CDHR1: variants seen among roughly 807,000 people sequenced by gnomAD.
The protein encoded by CDHR1 is cadherin related family member 1.
A neutral mutation model predicts 72.1 loss-of-function variants in CDHR1; 61 were observed. The observed-to-expected ratio is 0.85, with a 90% confidence interval of 0.69 to 1.05. The LOEUF (loss-of-function observed/expected upper bound fraction) is 1.05, where lower values mean the gene tolerates loss of function less well. Ranked by LOEUF, CDHR1 falls within the 50% of genes least tolerant of loss-of-function variation. The pLI, the probability that CDHR1 is intolerant of heterozygous loss-of-function variation, is 0.00. For missense variants in CDHR1, 1,186 were observed against 1,115.7 expected, an observed-to-expected ratio of 1.06 and a Z score of -0.90; for synonymous variants, 470 against 448.1, an observed-to-expected ratio of 1.05 and a Z score of -0.62.
chr10:84,196,676 C>T (rs562055130), intron 3 of CDHR1, 26 bp downstream of exon 3: 46 of 1,613,806 alleles, frequency 2.9e-5, no homozygotes, highest in East Asian at 1.6e-4. Flanking sequence ...GGGAGTGCTG[C>T]GGGGCCACTG....
chr10:84,208,484 A>T, intron 11 of CDHR1, 107 bp downstream of exon 11: 1 of 1,246,954 alleles, frequency 8.0e-7, no homozygotes, highest in East Asian at 2.5e-5. Flanking sequence ...AGCCGGGACC[A>T]GGTGGGCCAC....
At chr10:84,209,337 G>A (rs1228763002) in intron 12 of CDHR1, among the ~76,000 whole-genome samples, 4 of 151,920 alleles carry the variant, frequency 2.6e-5, no homozygotes, top group African/African-American at 9.7e-5. Flanking sequence ...ATGTTAATAG[G>A]AAAAGTAAAT....
At position 84,215,571 on chromosome 10, in the gene CDHR1, T is replaced by C; in HGVS notation, c.*950T>C. 1 of 876,026 alleles carries C rather than the reference T, an allele frequency of 1.1e-6. No individual in the cohort carries two copies. The highest frequency in any genetic ancestry group is 1.4e-6 in the Non-Finnish European group (1 of 730,306). 54.3% of individuals were successfully genotyped at this position (876,026 alleles called of 1,614,324 possible). On this transcript the variant is annotated 3_prime_UTR_variant, in exon 17 of 17. Coordinates refer to ENST00000623527, the MANE Select transcript of CDHR1 (RefSeq NM_033100.4). ...TGTTTAAAGTCGCTGATCATCCTCT[T>C]CCTCATCTGTAAATGAAGAAAGTAG...
chr10:84,200,487 A>G (rs1412055325), intron 5 of CDHR1, 114 bp from the exon 6 acceptor site: 1 of 742,842 alleles, frequency 1.3e-6, no homozygotes, highest in Non-Finnish European at 2.4e-6. Flanking sequence ...TCAATTGTTC[A>G]CCTCTTTTTG....
chr10:84,211,304 G>T, intron 13 of CDHR1, 139 bp downstream of exon 13: 1 of 844,214 alleles, frequency 1.2e-6, no homozygotes. Flanking sequence ...CCCTCTCTTA[G>T]CCTCAGTTTC....
chr10:84,199,623 T>A (rs1354042981), intron 5 of CDHR1, among the ~76,000 whole-genome samples: 1 of 152,236 alleles, frequency 6.6e-6, no homozygotes. Context: ...CATTGCCTGA[T>A]GTTTGGATAT....
At chr10:84,206,611 T>G (rs1268363973) in intron 10 of CDHR1, among the ~76,000 whole-genome samples, 1 of 152,222 alleles carries the variant, frequency 6.6e-6, no homozygotes, top group African/African-American at 2.4e-5. Context: ...TACAGCCACT[T>G]GAAAAGTTCA....
Position 84,217,071 on chromosome 10 carries a change from C to T in CDHR1, c.*2450C>T, listed in dbSNP as rs1842437314. On this transcript the variant is annotated 3_prime_UTR_variant, in exon 17 of 17. Transcript: ENST00000623527. ...GAAGTGCCCGGTAGCCAGCATGAGC[C>T]ACACTAGGAAAGAGGAGGAGGGTGC... 1.0e-6 allele frequency: 1 copy of T among 985,750 alleles called. No homozygotes were observed. Among genetic ancestry groups the T allele is most frequent in the Non-Finnish European group, 1.2e-6 (1 of 830,160 alleles). 61.1% of individuals were successfully genotyped at this position (985,750 alleles called of 1,614,324 possible). A position where few individuals can be genotyped will look rare whatever the true frequency, so the allele number is the denominator to read the frequency against.
At chr10:84,206,129 G>A (rs547219093) in intron 10 of CDHR1, among the ~76,000 whole-genome samples, 1 of 152,322 alleles carries the variant, frequency 6.6e-6, no homozygotes, top group South Asian at 2.1e-4. Context: ...AAGCAGCAAT[G>A]CCTGAGCATG....
Position 84,218,089 on chromosome 10 carries a change from T to C in CDHR1, c.*3468T>C. On this transcript the variant is annotated 3_prime_UTR_variant, in exon 17 of 17. Transcript: ENST00000623527. Reference sequence around the variant, plus strand: ...GGTGTTGGCATCTGTTGACAGGCAGTGGCACATCCTGACAGTCTTCAAGGC... The same window carrying C: ...GGTGTTGGCATCTGTTGACAGGCAGCGGCACATCCTGACAGTCTTCAAGGC... 2 of 985,444 alleles carry C rather than the reference T, an allele frequency of 2.0e-6. No homozygotes were observed. The highest frequency in any genetic ancestry group is 2.4e-6 in the Non-Finnish European group (2 of 829,940). 61.0% of individuals were successfully genotyped at this position (985,444 alleles called of 1,614,324 possible).
chr10:84,194,556 C>A lies in CDHR1; in HGVS notation c.-205C>A, dbSNP rs949631910. 10 of 456,596 alleles carry A rather than the reference C, an allele frequency of 2.2e-5. No homozygotes were observed. In the East Asian group the frequency reaches 2.3e-4, roughly 10 times the overall value. 28.3% of individuals were successfully genotyped at this position (456,596 alleles called of 1,614,324 possible). On this transcript the variant is annotated 5_prime_UTR_variant, in exon 1 of 17. Transcript: ENST00000623527. ...TGCGCCGCTAATTGGTCTCGTCAGGCGGCCGGCAGGAGCAGATCCGAGCCG... is the reference window on the plus strand; with the variant it reads ...TGCGCCGCTAATTGGTCTCGTCAGGAGGCCGGCAGGAGCAGATCCGAGCCG...
chr10:84,194,749 G>A lies in CDHR1; in HGVS notation c.-12G>A. 1 of 1,497,698 alleles carries A rather than the reference G, an allele frequency of 6.7e-7. No homozygotes were observed. Among genetic ancestry groups the A allele is most frequent in the Admixed American group, 2.2e-5 (1 of 45,438 alleles). The allele number at this position is 1,497,698 out of a possible 1,614,324, so 92.8% of individuals were successfully genotyped here. ...TCGGCGGCGGCAGGCGACACTCCGC[G>A]CCGGCGGAGACATGAGGCGCTGCCG... On this transcript the variant is annotated 5_prime_UTR_variant, in exon 1 of 17. Transcript: ENST00000623527.
At chr10:84,204,440 A>G (rs937672941) in intron 8 of CDHR1, 87 bp from the exon 9 acceptor site, 14 of 939,444 alleles carry the variant, frequency 1.5e-5, no homozygotes, top group Non-Finnish European at 2.1e-5. Flanking sequence ...TGGGGGTAGC[A>G]CCTCCTTTTC....
At chr10:84,199,267 C>G in intron 5 of CDHR1, 146 bp downstream of exon 5, 1 of 721,228 alleles carries the variant, frequency 1.4e-6, no homozygotes. Context: ...CGCTTTTATT[C>G]CAAAGGAATG....
rs949080525 is a variant in CDHR1, at chr10:84,200,473, A to G, written c.439-128A>G. On this transcript the variant is annotated intron_variant, in intron 5 of 16. Coordinates refer to ENST00000623527, the MANE Select transcript of CDHR1 (RefSeq NM_033100.4). Reference sequence around the variant, plus strand: ...CCCCCACTGGGTGCTCACACATTTTATCCTCAATTGTTCACCTCTTTTTGA... The same window carrying G: ...CCCCCACTGGGTGCTCACACATTTTGTCCTCAATTGTTCACCTCTTTTTGA... 2.4e-5 allele frequency: 17 copies of G among 720,920 alleles called. No individual in the cohort carries two copies. The Admixed American group carries it at 3.2e-4, about 14-fold the overall frequency. 44.7% of individuals were successfully genotyped at this position (720,920 alleles called of 1,614,324 possible).
At position 84,212,250 on chromosome 10, in the gene CDHR1, C is replaced by T; in HGVS notation, c.1625C>T (p.Ala542Val). The T allele has an allele frequency of 5.0e-6, 8 of 1,614,236 alleles. No individual in the cohort carries two copies. Among genetic ancestry groups the T allele is most frequent in the Non-Finnish European group, 6.8e-6 (8 of 1,180,050 alleles). Residue 542 changes from alanine to valine, a missense_variant, in exon 15 of 17, where the codon GCC (alanine) becomes GTC (valine). Physicochemically the swap from Ala to Val is moderately conservative, Grantham distance 64. Transcript: ENST00000623527. ...PWASLDAEAT[A>V]RYNFYVKAED... is the part of the protein sequence containing the mutation. Reference sequence around the variant, plus strand: ...GCTAGCCTGGACGCTGAGGCCACTGCCAGGTACAACTTCTATGTGAAGGCA... The same window carrying T: ...GCTAGCCTGGACGCTGAGGCCACTGTCAGGTACAACTTCTATGTGAAGGCA...
In CDHR1 at chr10:84,211,134, C is replaced by A; in HGVS notation, c.1454C>A (p.Ala485Asp). The A allele has an allele frequency of 6.2e-7, 1 of 1,614,228 alleles. No homozygotes were observed. Reference sequence around the variant, plus strand: ...TACGTTGCCAGGATTCCTGAGAACGCCCCAGGGGGCTCCAGCGTGGTGGCT... The same window carrying A: ...TACGTTGCCAGGATTCCTGAGAACGACCCAGGGGGCTCCAGCGTGGTGGCT... ...LYYVARIPEN[A>D]PGGSSVVAVT... The change falls in exon 13 of 17, where the codon GCC (alanine) becomes GAC (aspartate). Residue 485 changes from alanine to aspartate, a missense_variant. Ala to Asp is a moderately radical substitution (Grantham distance 126). Coordinates refer to ENST00000623527, the MANE Select transcript of CDHR1 (RefSeq NM_033100.4).
At chr10:84,195,193 C>T (rs1842005664) in intron 1 of CDHR1, among the ~76,000 whole-genome samples, 1 of 152,234 alleles carries the variant, frequency 6.6e-6, no homozygotes, top group South Asian at 2.1e-4. Flanking sequence ...CACTGCCCCT[C>T]TCCGAGCGCG....
At chr10:84,203,884 G>A (rs979267949) in intron 8 of CDHR1, among the ~76,000 whole-genome samples, 1 of 152,174 alleles carries the variant, frequency 6.6e-6, no homozygotes, top group African/African-American at 2.4e-5. Flanking sequence ...AGGTGGTGCT[G>A]AGGGACAGGG....
Sources: gnomAD v4.1 joint callset for allele counts (sites outside exome capture counted in the v4.1 genomes callset) on GRCh38, gnomAD v4.1.1 for gene constraint, MANE v1.5 for transcripts, NCBI Gene and HGNC (gene_info 2026-07-23, HGNC 2026-07-21) for gene names.